The following NVL variants were observed in gnomAD, a reference collection of about 807,000 sequenced individuals.
NVL encodes nuclear VCP like.
NVL carries 84 observed loss-of-function variants against 110.2 expected under a neutral mutation model. That is an observed-to-expected ratio of 0.76 (90% CI 0.64 to 0.91). The LOEUF is 0.91. Among genes scored for constraint, NVL ranks in the 40% least tolerant of loss-of-function variants. The pLI, the probability that NVL is intolerant of heterozygous loss-of-function variation, is 0.00. For synonymous variants in NVL, 354 were observed against 361.1 expected (o/e 0.98, Z 0.22); for missense variants, 882 against 1,035.9 (o/e 0.85, Z 2.04).
intron 22 of NVL, among the ~76,000 whole-genome samples, chr1:224,228,503 C>A (rs896095073): frequency 6.6e-6 from 1 of 151,466 alleles, no homozygotes; most frequent in African/African-American, 2.4e-5. Context: ...TGGGGTTTCA[C>A]CATGTTGGCC....
At chr1:224,282,364 A>G (rs1033980022) in intron 15 of NVL, among the ~76,000 whole-genome samples, 1 of 152,258 alleles carries the variant, frequency 6.6e-6, no homozygotes, top group African/African-American at 2.4e-5. Context: ...ATTTGTTTAC[A>G]TAAACATGCT....
At chr1:224,310,755 G>T (rs1669435495) in intron 5 of NVL, among the ~76,000 whole-genome samples, 2 of 144,418 alleles carry the variant, frequency 1.4e-5, no homozygotes, top group Non-Finnish European at 1.5e-5. Context: ...TCTCTCTTTT[G>T]CAATAAGGTC....
At chr1:224,324,818 T>A (rs898536685) in intron 2 of NVL, among the ~76,000 whole-genome samples, 4 of 152,170 alleles carry the variant, frequency 2.6e-5, no homozygotes, top group African/African-American at 9.7e-5. Flanking sequence ...AATGAATGTA[T>A]CTGCACATGA....
chr1:224,281,318 T>G, intron 15 of NVL, 133 bp from the exon 16 acceptor site: 1 of 636,684 alleles, frequency 1.6e-6, no homozygotes, highest in South Asian at 1.8e-5. Context: ...TGTGTGAGAT[T>G]TAGATGGAGT....
intron 17 of NVL, among the ~76,000 whole-genome samples, chr1:224,270,869 T>C (rs544948608): frequency 6.6e-6 from 1 of 152,296 alleles, no homozygotes; most frequent in South Asian, 2.1e-4. Context: ...CCATTGTTGA[T>C]AGGAAATGGT....
Position 224,240,371 on chromosome 1 carries a change from C to T in NVL, c.2290-3789G>A, listed in dbSNP as rs369761564. On this transcript the variant is annotated intron_variant, in intron 19 of 22. Transcript: ENST00000281701. ...GGCGTGAGCCACCGTGCCCAGCCAA[C>T]GCTGGGTAGTTTTTGTATTTTAGTA... is the stretch of plus-strand genomic sequence containing the variant. Among the ~76,000 whole-genome samples the T allele has an allele frequency of 3.3e-5, 5 of 151,868 alleles. No individual in the cohort carries two copies. The South Asian group carries it at 8.3e-4, about 25-fold the overall frequency.
intron 19 of NVL, among the ~76,000 whole-genome samples, chr1:224,248,594 A>C (rs190926530): frequency 1.4e-4 from 21 of 152,364 alleles, no homozygotes; most frequent in Admixed American, 1.2e-3. Flanking sequence ...ATACTAAAAA[A>C]AGTTAAACAA....
chr1:224,314,955 G>A (rs1443299712), intron 4 of NVL, among the ~76,000 whole-genome samples: 1 of 151,970 alleles, frequency 6.6e-6, no homozygotes, highest in African/African-American at 2.4e-5. Context: ...TGGTTGCAGC[G>A]AGCTGAGATC....
intron 11 of NVL, among the ~76,000 whole-genome samples, chr1:224,295,878 T>C (rs1014941273): frequency 2.8e-5 from 4 of 141,528 alleles, no homozygotes; most frequent in Non-Finnish European, 6.0e-5. Context: ...AGGAGGTGAA[T>C]AGGTTGAACG....
chr1:224,251,271 C>CAAAAA (rs35538758), intron 18 of NVL, among the ~76,000 whole-genome samples: 18 of 62,174 alleles, frequency 2.9e-4, no homozygotes, highest in Admixed American at 6.2e-4. Context: ...GATACTGTCT[C>CAAAAA]AAAAAAAAAA....
intron 19 of NVL, among the ~76,000 whole-genome samples, chr1:224,246,185 C>T (rs1370180132): frequency 6.6e-6 from 1 of 152,130 alleles, no homozygotes; most frequent in Non-Finnish European, 1.5e-5. Context: ...AGCACACCAT[C>T]ACACCCAGCT....
intron 4 of NVL, among the ~76,000 whole-genome samples, chr1:224,314,846 C>G (rs1399426929): frequency 6.6e-6 from 1 of 151,908 alleles, no homozygotes; most frequent in East Asian, 1.9e-4. Context: ...CCAATTAATA[C>G]CCTTTTTTTC....
chr1:224,254,185 G>A (rs75477391), intron 18 of NVL, among the ~76,000 whole-genome samples: 3,590 of 151,894 alleles, frequency 0.024, 153 homozygotes, highest in African/African-American at 0.082. Flanking sequence ...TCTGCCTCCC[G>A]GGTTCAAGTT....
At chr1:224,284,484 T>C (rs896506567) in intron 15 of NVL, among the ~76,000 whole-genome samples, 1 of 152,114 alleles carries the variant, frequency 6.6e-6, no homozygotes, top group African/African-American at 2.4e-5. Flanking sequence ...CAAGTGATTC[T>C]TGTGCCTCAG....
At chr1:224,305,237 A>G (rs1265358963) in intron 6 of NVL, 71 bp from the exon 7 acceptor site, 32 of 1,470,694 alleles carry the variant, frequency 2.2e-5, no homozygotes, top group Non-Finnish European at 2.7e-5. Flanking sequence ...CTTTTTAAAG[A>G]GGGGCATTGT....
chr1:224,307,918 T>C (rs1237226829), intron 6 of NVL, 73 bp downstream of exon 6: 11 of 1,389,474 alleles, frequency 7.9e-6, no homozygotes, highest in South Asian at 7.9e-5. Flanking sequence ...AAGTATCTGA[T>C]TGATATTATA....
intron 17 of NVL, among the ~76,000 whole-genome samples, chr1:224,274,688 A>G (rs765744911): frequency 1.3e-5 from 2 of 152,192 alleles, no homozygotes; most frequent in Non-Finnish European, 2.9e-5. Context: ...ATCTGCTTCA[A>G]AAAGGTTATA....
chr1:224,270,482 C>G lies in NVL; in HGVS notation c.2083-2349G>C, dbSNP rs935069549. Reference sequence around the variant, plus strand: ...CTGAGGCAGAAGAATTGCTTGAACCCGGGAGGCGGAGGCTGCAGTAAGCCA... The same window carrying G: ...CTGAGGCAGAAGAATTGCTTGAACCGGGGAGGCGGAGGCTGCAGTAAGCCA... On this transcript the variant is annotated intron_variant, in intron 17 of 22. Coordinates refer to ENST00000281701, the MANE Select transcript of NVL (RefSeq NM_002533.4). Among the ~76,000 whole-genome samples the G allele has an allele frequency of 5.9e-5, 9 of 152,190 alleles. 1 individual carries two copies. Among genetic ancestry groups the G allele is most frequent in the Admixed American group, 4.6e-4 (7 of 15,248 alleles).
chr1:224,295,960 CAAA>C (rs942085228), intron 11 of NVL, among the ~76,000 whole-genome samples: 6 of 41,838 alleles, frequency 1.4e-4, no homozygotes, highest in South Asian at 7.7e-4. Flanking sequence ...GACTCTGTCT[CAAA>C]AAAAAAAAAA....
Sources: allele counts gnomAD v4.1 joint callset (sites outside exome capture counted in the v4.1 genomes callset), GRCh38; gene constraint gnomAD v4.1.1; transcripts MANE v1.5; gene names NCBI Gene and HGNC (gene_info 2026-07-23, HGNC 2026-07-21).